ADAMTS2: variants seen among roughly 807,000 people sequenced by gnomAD.
ADAMTS2 encodes A disintegrin and metalloproteinase with thrombospondin motifs 2.
A neutral mutation model predicts 123.0 loss-of-function variants in ADAMTS2; 50 were observed. That is an observed-to-expected ratio of 0.41 (90% CI 0.32 to 0.51). The LOEUF (loss-of-function observed/expected upper bound fraction) is 0.51, where lower values mean the gene tolerates loss of function less well. Among genes scored for constraint, ADAMTS2 ranks in the 20% least tolerant of loss-of-function variants. The pLI is 0.35. For missense variants in ADAMTS2, 1,494 were observed against 1,705.2 expected (o/e 0.88, Z 2.18); for synonymous variants, 678 against 695.4 (o/e 0.98, Z 0.39).
chr5:179,285,633 C>T lies in ADAMTS2; in HGVS notation c.535-12569G>A, dbSNP rs1318928691. Among the ~76,000 whole-genome samples, 1 of 152,192 alleles carries T rather than the reference C, an allele frequency of 6.6e-6. No homozygotes were observed. The highest frequency in any genetic ancestry group is 1.5e-5 in the Non-Finnish European group (1 of 68,044). On this transcript the variant is annotated intron_variant, in intron 2 of 21. Transcript: ENST00000251582. This position sits in a 1 kb window ranked among gnomAD's most constrained non-coding sequence, Gnocchi z 4.9. ...TGCCTATTTGTGACGAGAACTGACACTCGTCCCGGCCAGATTCTCTGGCTG... is the reference window on the plus strand; with the variant it reads ...TGCCTATTTGTGACGAGAACTGACATTCGTCCCGGCCAGATTCTCTGGCTG...
intron 12 of ADAMTS2, 143 bp downstream of exon 12, chr5:179,137,626 C>A (rs1763087431): frequency 8.7e-7 from 1 of 1,152,060 alleles, no homozygotes; most frequent in East Asian, 2.6e-5. Flanking sequence ...GCCAGGGCAG[C>A]CACACCAGCC....
chr5:179,327,409 G>C (rs1399300536), intron 2 of ADAMTS2, among the ~76,000 whole-genome samples: 1 of 152,134 alleles, frequency 6.6e-6, no homozygotes, highest in Non-Finnish European at 1.5e-5. Context: ...TAGAAACTCA[G>C]GGCATCTTTC....
chr5:179,209,522 GCA>G (rs112513570), intron 3 of ADAMTS2, among the ~76,000 whole-genome samples: 3,773 of 151,212 alleles, frequency 0.025, 151 homozygotes, highest in African/African-American at 0.081. Flanking sequence ...ACACACACAT[GCA>G]CACACACACA....
rs116655345 is a variant in ADAMTS2 at position 179,265,336 on chromosome 5, C to G, written c.688+7575G>C. ...AACCATGTCGGGAGGGGAGAGGTGG[C>G]GGGGGAAGGGCAAGCCTGAGACTCA... On this transcript the variant is annotated intron_variant, in intron 3 of 21. Coordinates refer to ENST00000251582, the MANE Select transcript of ADAMTS2 (RefSeq NM_014244.5). 2.6e-5 allele frequency among the ~76,000 whole-genome samples: 4 copies of G among 152,134 alleles called. No individual in the cohort carries two copies. In the East Asian group the frequency reaches 7.7e-4, roughly 29 times the overall value.
intron 3 of ADAMTS2, among the ~76,000 whole-genome samples, chr5:179,271,028 CT>C (rs1766518384): frequency 6.6e-6 from 1 of 152,244 alleles, no homozygotes; most frequent in African/African-American, 2.4e-5. Context: ...AGCCTCACCC[CT>C]GACCTGGCAG....
intron 3 of ADAMTS2, among the ~76,000 whole-genome samples, chr5:179,224,412 T>C (rs1354714125): frequency 3.9e-5 from 6 of 152,230 alleles, no homozygotes. Context: ...TGTTTCCCGA[T>C]GCCCCATCTC....
intron 2 of ADAMTS2, among the ~76,000 whole-genome samples, chr5:179,325,583 A>G (rs1185492037): frequency 6.6e-6 from 1 of 152,242 alleles, no homozygotes; most frequent in Non-Finnish European, 1.5e-5. Flanking sequence ...TGTCCTGGCC[A>G]TAGTGATTTG....
intron 21 of ADAMTS2, chr5:179,120,380 C>A (rs944612842): frequency 2.6e-5 from 4 of 152,220 alleles, no homozygotes; most frequent in Admixed American, 6.5e-5. Context: ...CCTGATAAAC[C>A]AAAGTGCATA....
rs184016185 is a variant in ADAMTS2, at chr5:179,223,299, C to T, written c.689-15584G>A. 6.4e-3 allele frequency among the ~76,000 whole-genome samples: 966 copies of T among 151,654 alleles called. 37 individuals are homozygous for T. In the East Asian group the frequency reaches 0.11, roughly 18 times the overall value. On this transcript the variant is annotated intron_variant, in intron 3 of 21. Coordinates refer to ENST00000251582, the MANE Select transcript of ADAMTS2 (RefSeq NM_014244.5). ...ATGCACTCATACACACACACACGAA[C>T]GCACTCACATACACACATGCACACT...
Position 179,234,871 on chromosome 5 carries a change from A to G in ADAMTS2, c.689-27156T>C, listed in dbSNP as rs1765488921. Among the ~76,000 whole-genome samples the G allele has an allele frequency of 6.6e-6, 1 of 151,046 alleles. No homozygotes were observed. Among genetic ancestry groups the G allele is most frequent in the Non-Finnish European group, 1.5e-5 (1 of 67,836 alleles). On this transcript the variant is annotated intron_variant, in intron 3 of 21. Coordinates refer to ENST00000251582, the MANE Select transcript of ADAMTS2 (RefSeq NM_014244.5). This position sits in a 1 kb window ranked among gnomAD's most constrained non-coding sequence, Gnocchi z 4.7. ...GCTTGCCCCCATTAAAATCCTCTGTACCTCCCTCTTCCCAAGCCTAGCAGA... is the reference window on the plus strand; with the variant it reads ...GCTTGCCCCCATTAAAATCCTCTGTGCCTCCCTCTTCCCAAGCCTAGCAGA...
At chr5:179,126,998 A>C (rs1762872369) in intron 17 of ADAMTS2, among the ~76,000 whole-genome samples, 1 of 152,234 alleles carries the variant, frequency 6.6e-6, no homozygotes, top group African/African-American at 2.4e-5. Context: ...AAGTTGCCCC[A>C]ACCCTGGAGG....
intron 21 of ADAMTS2, among the ~76,000 whole-genome samples, chr5:179,119,668 T>G (rs1222409955): frequency 2.0e-5 from 3 of 152,118 alleles, no homozygotes; most frequent in Non-Finnish European, 4.4e-5. Flanking sequence ...GCCCCCCACC[T>G]GAGCCGGATG....
chr5:179,338,204 G>C (rs556328424), intron 2 of ADAMTS2, among the ~76,000 whole-genome samples: 102 of 152,304 alleles, frequency 6.7e-4, no homozygotes, highest in Non-Finnish European at 1.2e-3. Context: ...TTCATGAGGG[G>C]CTGGGAGCCG....
At chr5:179,165,209 A>AGGCAGCAG (rs1763673441) in intron 5 of ADAMTS2, among the ~76,000 whole-genome samples, 1 of 152,126 alleles carries the variant, frequency 6.6e-6, no homozygotes. Flanking sequence ...GCCTGCATGC[A>AGGCAGCAG]GGAGGCCAGA....
At chr5:179,319,350 C>T (rs1273864922) in intron 2 of ADAMTS2, among the ~76,000 whole-genome samples, 3 of 152,184 alleles carry the variant, frequency 2.0e-5, no homozygotes, top group Non-Finnish European at 4.4e-5. Flanking sequence ...ACATGTGCAT[C>T]GGTCATACAT....
At chr5:179,222,674 C>T (rs1581201174) in intron 3 of ADAMTS2, among the ~76,000 whole-genome samples, 1 of 152,262 alleles carries the variant, frequency 6.6e-6, no homozygotes, top group Non-Finnish European at 1.5e-5. Flanking sequence ...CAGCGGCAGG[C>T]CTGTGGCTCA....
chr5:179,185,631 G>A lies in ADAMTS2; in HGVS notation c.892-4476C>T, dbSNP rs1764156834. Among the ~76,000 whole-genome samples, 1 of 152,076 alleles carries A rather than the reference G, an allele frequency of 6.6e-6. No homozygotes were observed. The highest frequency in any genetic ancestry group is 1.5e-5 in the Non-Finnish European group (1 of 68,016). On this transcript the variant is annotated intron_variant, in intron 4 of 21. Transcript: ENST00000251582. This position sits in a 1 kb window ranked among gnomAD's most constrained non-coding sequence, Gnocchi z 5.9. ...CAGGAGGTGACCAACCACTCCAAAA[G>A]CCCCGTCGCTGGGCATGGAACTCCC... is the stretch of plus-strand genomic sequence containing the variant.
At position 179,308,784 on chromosome 5, in the gene ADAMTS2, C is replaced by A. The variant is rs544436468; in HGVS notation, c.534+34983G>T. 1.3e-5 allele frequency among the ~76,000 whole-genome samples: 2 copies of A among 152,270 alleles called. No individual in the cohort carries two copies. Among genetic ancestry groups the A allele is most frequent in the Admixed American group, 1.3e-4 (2 of 15,304 alleles). On this transcript the variant is annotated intron_variant, in intron 2 of 21. Transcript: ENST00000251582. The surrounding 1 kb of genome is among the most constrained non-coding windows in gnomAD (Gnocchi z 6.6). The stretch of plus-strand genomic sequence containing the variant: ...ACCCCACCCTCCTGCAGGTTCCTGG[C>A]CCCTCTGCCTCCTCTTCCTTCCCAC...
rs1762674966 is a variant in ADAMTS2 at position 179,117,442 on chromosome 5, G to A, written c.3179-3118C>T. On this transcript the variant is annotated intron_variant, in intron 21 of 21. Transcript: ENST00000251582. The surrounding 1 kb of genome is among the most constrained non-coding windows in gnomAD (Gnocchi z 4.2). ...CCAGGCTGGGATCCCTGAAAAGCAG[G>A]AATCACATCAGCCTGGTACAGTGGT... Among the ~76,000 whole-genome samples, 1 of 152,174 alleles carries A rather than the reference G, an allele frequency of 6.6e-6. No individual in the cohort carries two copies. Among genetic ancestry groups the A allele is most frequent in the South Asian group, 2.1e-4 (1 of 4,830 alleles).
Sources: gnomAD v4.1 joint callset for allele counts (sites outside exome capture counted in the v4.1 genomes callset) on GRCh38, gnomAD v4.1.1 for gene constraint, Gnocchi (gnomAD v3.1) non-coding constraint, MANE v1.5 for transcripts, NCBI Gene and HGNC (gene_info 2026-07-23, HGNC 2026-07-21) for gene names.